INTS7: variants seen among roughly 807,000 people sequenced by gnomAD.
The protein encoded by INTS7 is chromosome 1 open reading frame 73.
INTS7 carries 46 observed loss-of-function variants against 109.2 expected under a neutral mutation model. The observed-to-expected ratio is 0.42, with a 90% confidence interval of 0.33 to 0.54. The LOEUF is 0.54. Among genes scored for constraint, INTS7 ranks in the 20% least tolerant of loss-of-function variants. The probability of loss-of-function intolerance (pLI) is 0.07; values close to 1 mark genes in which losing one functional copy is unlikely to be tolerated. For synonymous variants in INTS7, 412 were observed against 402.9 expected (o/e 1.02, Z -0.27); for missense variants, 929 against 1,132.4 (o/e 0.82, Z 2.58).
intron 13 of INTS7, among the ~76,000 whole-genome samples, chr1:211,973,685 T>A (rs1212705901): frequency 6.6e-6 from 1 of 152,030 alleles, no homozygotes; most frequent in African/African-American, 2.4e-5. Context: ...ACCCTGAGAG[T>A]ATACAGTACA....
intron 3 of INTS7, among the ~76,000 whole-genome samples, chr1:212,017,795 T>TA (rs765932501): frequency 1.8e-4 from 27 of 152,214 alleles, no homozygotes; most frequent in Non-Finnish European, 3.4e-4. Flanking sequence ...TGTAATCACC[T>TA]AATTATTCCC....
chr1:212,019,958 C>T (rs1363545077), intron 3 of INTS7, among the ~76,000 whole-genome samples, 164 bp downstream of exon 3: 4 of 152,168 alleles, frequency 2.6e-5, no homozygotes, highest in Non-Finnish European at 5.9e-5. Flanking sequence ...AACTAAAAAG[C>T]ATTTGCAGAC....
At chr1:212,003,644 TTTTA>T (rs1313889601) in intron 7 of INTS7, among the ~76,000 whole-genome samples, 1 of 152,226 alleles carries the variant, frequency 6.6e-6, no homozygotes, top group Non-Finnish European at 1.5e-5. Flanking sequence ...TTTAATTATA[TTTTA>T]TTTAACTTGT....
chr1:211,974,270 A>ATATATATAT (rs1664306386), intron 13 of INTS7, among the ~76,000 whole-genome samples: 4 of 101,890 alleles, frequency 3.9e-5, no homozygotes, highest in African/African-American at 1.1e-4. Flanking sequence ...CTTCCCAGAA[A>ATATATATAT]AAAAAAATAT....
At chr1:211,954,431 T>C (rs1421754479) in intron 16 of INTS7, among the ~76,000 whole-genome samples, 1 of 152,364 alleles carries the variant, frequency 6.6e-6, no homozygotes, top group South Asian at 2.1e-4. Context: ...TTGGCTTTTG[T>C]TGCCATTGCT....
At chr1:211,976,858 T>C in intron 11 of INTS7, 139 bp from the exon 12 acceptor site, 2 of 732,600 alleles carry the variant, frequency 2.7e-6, no homozygotes, top group South Asian at 3.9e-5. Flanking sequence ...ATTTATTTAA[T>C]TTTTTATTTT....
chr1:211,952,171 A>G (rs1663123032), intron 17 of INTS7, among the ~76,000 whole-genome samples: 1 of 152,220 alleles, frequency 6.6e-6, no homozygotes, highest in Admixed American at 6.5e-5. Context: ...CTGGGCCACA[A>G]TTCCAGAAAC....
At chr1:211,973,612 G>T (rs1414915487) in intron 13 of INTS7, among the ~76,000 whole-genome samples, 3 of 151,992 alleles carry the variant, frequency 2.0e-5, no homozygotes, top group Admixed American at 2.0e-4. Flanking sequence ...GAAAGCAATT[G>T]TCAAATCCAC....
intron 16 of INTS7, among the ~76,000 whole-genome samples, chr1:211,955,929 T>G (rs1227171452): frequency 2.0e-5 from 3 of 152,224 alleles, no homozygotes; most frequent in African/African-American, 7.2e-5. Flanking sequence ...ATTTGTATGA[T>G]GGACTTTAAG....
In INTS7 at chr1:211,942,144, G is replaced by A; in HGVS notation, c.2602-33C>T. 1.2e-6 allele frequency: 2 copies of A among 1,601,472 alleles called. No individual in the cohort carries two copies. Among genetic ancestry groups the A allele is most frequent in the Non-Finnish European group, 8.5e-7 (1 of 1,172,550 alleles). On this transcript the variant is annotated intron_variant, in intron 19 of 19. Coordinates refer to ENST00000366994, the MANE Select transcript of INTS7 (RefSeq NM_015434.4). The surrounding 1 kb of genome is among the most constrained non-coding windows in gnomAD (Gnocchi z 4.2). The stretch of plus-strand genomic sequence containing the variant: ...GAAACAATTGTTAACTAACAACAAT[G>A]GCTAACATTTCTTCAGTGCTTACTA...
chr1:211,953,419 C>G (rs1321079015), intron 16 of INTS7, among the ~76,000 whole-genome samples: 3 of 151,076 alleles, frequency 2.0e-5, no homozygotes, highest in African/African-American at 7.3e-5. Context: ...TATCATTATA[C>G]TTTAAGTTTT....
chr1:211,994,983 T>C (rs1294313107), intron 7 of INTS7, among the ~76,000 whole-genome samples: 1 of 151,886 alleles, frequency 6.6e-6, no homozygotes, highest in East Asian at 1.9e-4. Flanking sequence ...AGAAACTTCA[T>C]AGTATTAAAA....
intron 4 of INTS7, among the ~76,000 whole-genome samples, chr1:212,013,168 T>C (rs74561022): frequency 0.026 from 3,971 of 152,262 alleles, 58 homozygotes; most frequent in African/African-American, 0.046. Context: ...TGACCCTGTG[T>C]AGGTCTAGGT....
intron 17 of INTS7, among the ~76,000 whole-genome samples, chr1:211,947,093 C>T (rs1480601676): frequency 4.6e-5 from 7 of 152,260 alleles, no homozygotes; most frequent in Middle Eastern, 3.4e-3. Context: ...GAAGCCCGAG[C>T]ATTTTGCAGG....
chr1:212,022,082 C>T (rs531050650), intron 1 of INTS7, among the ~76,000 whole-genome samples: 2 of 152,170 alleles, frequency 1.3e-5, no homozygotes, highest in South Asian at 4.1e-4. Flanking sequence ...ATCTTTGAAA[C>T]GTGATTCTGG....
In INTS7 at chr1:211,959,186, G is replaced by A. The variant is rs1663500176; in HGVS notation, c.2184-6485C>T. ...AGAGCCCAAAGGGTTTGGTGTGTGA[G>A]CATCTGTAGTGGAATACGGCCAGGG... On this transcript the variant is annotated intron_variant, in intron 16 of 19. Coordinates refer to ENST00000366994, the MANE Select transcript of INTS7 (RefSeq NM_015434.4). This position sits in a 1 kb window ranked among gnomAD's most constrained non-coding sequence, Gnocchi z 4.2. 6.6e-6 allele frequency among the ~76,000 whole-genome samples: 1 copy of A among 152,204 alleles called. No homozygotes were observed. Among genetic ancestry groups the A allele is most frequent in the South Asian group, 2.1e-4 (1 of 4,836 alleles).
At position 211,944,797 on chromosome 1, in the gene INTS7, C is replaced by T; in HGVS notation, c.2588G>A (p.Gly863Glu). The change falls in exon 19 of 20, where the codon GGA (glycine) becomes GAA (glutamate). Residue 863 changes from glycine (G) to glutamate (E), a missense_variant. Physicochemically the swap from Gly to Glu is moderately conservative, Grantham distance 98. Transcript: ENST00000366994. ...TTTCTAAATTACCTTGTAGTCTTGTCCAGATTTACTCTGCAGTGTGGAAGA... is the reference window on the plus strand; with the variant it reads ...TTTCTAAATTACCTTGTAGTCTTGTTCAGATTTACTCTGCAGTGTGGAAGA... ...NVSSTLQSKS[G>E]QDYKIPIDNM... 1 of 1,613,824 alleles carries T rather than the reference C, an allele frequency of 6.2e-7. No individual in the cohort carries two copies. The highest frequency in any genetic ancestry group is 8.5e-7 in the Non-Finnish European group (1 of 1,179,760).
Position 211,941,639 on chromosome 1 carries a change from C to A in INTS7, c.*185G>T. ...AAAGTGCTGGGATTACAGGCGTGAG[C>A]AACCACGCCCAGCTGTCAGACAAAA... On this transcript the variant is annotated 3_prime_UTR_variant, in exon 20 of 20. Transcript: ENST00000366994. 1.3e-6 allele frequency: 1 copy of A among 785,312 alleles called. No individual in the cohort carries two copies. The highest frequency in any genetic ancestry group is 2.0e-6 in the Non-Finnish European group (1 of 509,966). The allele number at this position is 785,312 out of a possible 1,614,324, so 48.6% of individuals were successfully genotyped here.
chr1:212,030,321 T>G (rs1335431415), intron 1 of INTS7, among the ~76,000 whole-genome samples: 1 of 151,892 alleles, frequency 6.6e-6, no homozygotes, highest in Non-Finnish European at 1.5e-5. Context: ...GGAGTTTCAT[T>G]CTTGTCGCCC....
Sources: gnomAD v4.1 joint callset for allele counts (sites outside exome capture counted in the v4.1 genomes callset) on GRCh38, gnomAD v4.1.1 for gene constraint, Gnocchi (gnomAD v3.1) non-coding constraint, MANE v1.5 for transcripts, NCBI Gene and HGNC (gene_info 2026-07-23, HGNC 2026-07-21) for gene names.